CNTN4: variants seen among roughly 807,000 people sequenced by gnomAD.
CNTN4 encodes contactin-4.
Under a neutral mutation model 122.5 loss-of-function variants are expected in CNTN4, and 77 were observed. That is an observed-to-expected ratio of 0.63 (90% confidence interval 0.52 to 0.76). The LOEUF is 0.76. Ranked by LOEUF, CNTN4 falls within the 30% of genes least tolerant of loss-of-function variation. The probability of loss-of-function intolerance (pLI) is 0.00; values close to 1 mark genes in which losing one functional copy is unlikely to be tolerated. For synonymous variants in CNTN4, 512 were observed against 447.0 expected, an observed-to-expected ratio of 1.15 and a Z score of -1.83; for missense variants, 1,256 against 1,259.1, an observed-to-expected ratio of 1.00 and a Z score of 0.04.
intron 3 of CNTN4, among the ~76,000 whole-genome samples, chr3:2,441,767 G>A (rs35600366): frequency 4.3e-4 from 65 of 152,144 alleles, no homozygotes; most frequent in Non-Finnish European, 7.3e-4. Flanking sequence ...CACTGGCAAC[G>A]TGAGGAGGCA....
chr3:2,541,511 C>T (rs1053467296), intron 3 of CNTN4, among the ~76,000 whole-genome samples: 8 of 152,070 alleles, frequency 5.3e-5, no homozygotes, highest in Non-Finnish European at 1.0e-4. Context: ...GCTTCGTTCT[C>T]CCTAAAGTGG....
intron 3 of CNTN4, among the ~76,000 whole-genome samples, chr3:2,566,335 A>T (rs2079157823): frequency 6.6e-6 from 1 of 152,250 alleles, no homozygotes; most frequent in Non-Finnish European, 1.5e-5. Flanking sequence ...GACGAGTTTC[A>T]TAGCCTCTCA....
chr3:2,256,920 C>T (rs2149717315), intron 2 of CNTN4, among the ~76,000 whole-genome samples: 1 of 152,214 alleles, frequency 6.6e-6, no homozygotes, highest in Non-Finnish European at 1.5e-5. Flanking sequence ...ACTTTCTTCA[C>T]ATAAACAGAA....
intron 6 of CNTN4, among the ~76,000 whole-genome samples, chr3:2,765,167 A>G (rs1057476455): frequency 6.6e-6 from 1 of 152,234 alleles, no homozygotes; most frequent in Non-Finnish European, 1.5e-5. Flanking sequence ...TGAAAAGGTG[A>G]AGCCGTGTTT....
chr3:2,752,214 A>G (rs897905520), intron 6 of CNTN4, among the ~76,000 whole-genome samples: 2 of 152,216 alleles, frequency 1.3e-5, no homozygotes, highest in Non-Finnish European at 2.9e-5. Context: ...TTACAGTGTG[A>G]TACTTCAATA....
intron 2 of CNTN4, among the ~76,000 whole-genome samples, chr3:2,246,878 A>C (rs1448241174): frequency 6.6e-6 from 1 of 151,924 alleles, no homozygotes; most frequent in Admixed American, 6.6e-5. Context: ...GTTCAGTGTA[A>C]TGTGGCTGCG....
intron 4 of CNTN4, among the ~76,000 whole-genome samples, chr3:2,722,904 A>G (rs2087951436): frequency 6.6e-6 from 1 of 152,208 alleles, no homozygotes; most frequent in East Asian, 1.9e-4. Flanking sequence ...GCTAATTCCA[A>G]AAAAGAACAA....
intron 14 of CNTN4, among the ~76,000 whole-genome samples, chr3:3,016,588 T>G (rs1697776427): frequency 6.6e-6 from 1 of 152,178 alleles, no homozygotes; most frequent in Non-Finnish European, 1.5e-5. Flanking sequence ...TCCTTATTAA[T>G]CGTTGTGACC....
intron 2 of CNTN4, among the ~76,000 whole-genome samples, chr3:2,154,864 G>A (rs1430864859): frequency 6.6e-6 from 1 of 152,164 alleles, no homozygotes; most frequent in African/African-American, 2.4e-5. Flanking sequence ...GAAATACGGA[G>A]GAAATGAAAT....
At chr3:2,345,325 T>G (rs1028348303) in intron 3 of CNTN4, among the ~76,000 whole-genome samples, 3 of 152,166 alleles carry the variant, frequency 2.0e-5, no homozygotes, top group Non-Finnish European at 2.9e-5. Flanking sequence ...GAAATTGAAA[T>G]GAAAATTATC....
chr3:2,176,366 G>A (rs1575006852), intron 2 of CNTN4, among the ~76,000 whole-genome samples: 1 of 151,972 alleles, frequency 6.6e-6, no homozygotes, highest in Non-Finnish European at 1.5e-5. Flanking sequence ...CTTAGTGAGT[G>A]GTACTATGAT....
intron 4 of CNTN4, among the ~76,000 whole-genome samples, chr3:2,648,825 G>T (rs1375827453): frequency 6.6e-6 from 1 of 152,212 alleles, no homozygotes; most frequent in South Asian, 2.1e-4. Context: ...GCGCCAAATG[G>T]TTGGCTAAGT....
chr3:2,430,611 A>T (rs1240694805), intron 3 of CNTN4, among the ~76,000 whole-genome samples: 2 of 103,560 alleles, frequency 1.9e-5, no homozygotes. Context: ...TTGGGAGCAA[A>T]TTACCAAAAA....
chr3:2,554,583 G>A (rs1229975606), intron 3 of CNTN4, among the ~76,000 whole-genome samples: 4 of 152,072 alleles, frequency 2.6e-5, no homozygotes, highest in African/African-American at 4.8e-5. Context: ...AACTTTTCTT[G>A]TAAGTGGGTA....
chr3:2,285,336 T>C (rs1315254651), intron 2 of CNTN4, among the ~76,000 whole-genome samples: 5 of 152,136 alleles, frequency 3.3e-5, no homozygotes, highest in Non-Finnish European at 5.9e-5. Flanking sequence ...GTTCAGTTAC[T>C]GTTGATAAAT....
intron 13 of CNTN4, chr3:2,927,240 C>A (rs1047188327): frequency 2.9e-5 from 13 of 446,738 alleles, no homozygotes; most frequent in African/African-American, 2.2e-4. Flanking sequence ...GCTACTGTAA[C>A]AAGCAACCCT....
chr3:2,965,989 A>T (rs1237009219), intron 13 of CNTN4, among the ~76,000 whole-genome samples: 1 of 152,090 alleles, frequency 6.6e-6, no homozygotes, highest in Non-Finnish European at 1.5e-5. Context: ...TATCTGTCTC[A>T]TATTTATTGG....
chr3:2,160,381 T>C (rs1383806664), intron 2 of CNTN4, among the ~76,000 whole-genome samples: 1 of 152,098 alleles, frequency 6.6e-6, no homozygotes, highest in Non-Finnish European at 1.5e-5. Flanking sequence ...GGTATAAGGA[T>C]CCAGAGTCAG....
At chr3:2,755,324 T>C (rs2090285754) in intron 6 of CNTN4, among the ~76,000 whole-genome samples, 2 of 152,212 alleles carry the variant, frequency 1.3e-5, no homozygotes, top group Non-Finnish European at 2.9e-5. Context: ...GATGACTATT[T>C]AGATGAATAA....
Sources: allele counts gnomAD v4.1 joint callset (sites outside exome capture counted in the v4.1 genomes callset), GRCh38; gene constraint gnomAD v4.1.1; transcripts MANE v1.5; gene names NCBI Gene and HGNC (gene_info 2026-07-23, HGNC 2026-07-21).